Variants in TENM1 observed in about 807,000 individuals in gnomAD.
TENM1 encodes teneurin transmembrane protein 1.
In TENM1, 35 loss-of-function variants were observed where a neutral mutation model predicts 174.8. The observed-to-expected ratio is 0.20, with a 90% CI of 0.15 to 0.27. The LOEUF is 0.27. Among genes scored for constraint, TENM1 ranks in the 10% least tolerant of loss-of-function variants. The probability of loss-of-function intolerance (pLI) is 1.00; values close to 1 mark genes in which losing one functional copy is unlikely to be tolerated. For missense variants in TENM1, 1,633 were observed against 2,130.1 expected (o/e 0.77, Z 4.59); for synonymous variants, 781 against 798.7 (o/e 0.98, Z 0.37).
intron 22 of TENM1, among the ~76,000 whole-genome samples, chrX:124,474,589 C>A (rs1481303358): frequency 4.5e-5 from 5 of 112,116 alleles, no homozygotes; most frequent in African/African-American, 1.6e-4. Context: ...ACCATGGATG[C>A]TACCTAGACC....
At chrX:125,063,267 C>T in the TENM1 span, among the ~76,000 whole-genome samples, 7 of 111,641 alleles carry the variant, frequency 6.3e-5, no homozygotes, top group African/African-American at 1.6e-4. Flanking sequence ...GAAGAAACTA[C>T]GTATGGACTT....
At chrX:124,558,616 C>A (rs565515352) in intron 14 of TENM1, among the ~76,000 whole-genome samples, 1 of 110,689 alleles carries the variant, frequency 9.0e-6, no homozygotes, top group Non-Finnish European at 1.9e-5. Context: ...GCTGAGACTA[C>A]CAAATGAAGG....
the TENM1 span, among the ~76,000 whole-genome samples, chrX:124,987,509 C>T: frequency 9.0e-6 from 1 of 111,600 alleles, no homozygotes; most frequent in Non-Finnish European, 1.9e-5. Flanking sequence ...AACTTGAAAA[C>T]ATGTTTATGA....
At chrX:125,123,146 C>T in the TENM1 span, among the ~76,000 whole-genome samples, 1 of 111,767 alleles carries the variant, frequency 8.9e-6, no homozygotes, top group Non-Finnish European at 1.9e-5. Flanking sequence ...AATTTAAGCC[C>T]TCTTTTTAAA....
rs917513473 is a variant in TENM1 at position 124,675,500 on chromosome X, A to C, written c.1016-3665T>G. ...TAGACATTATGAGCCAATTGGCTAG[A>C]ATAAGGGTAAAATTAGTAATGAACA... On this transcript the variant is annotated intron_variant, in intron 5 of 31. Coordinates refer to ENST00000422452, the Ensembl canonical transcript of TENM1. 3.6e-5 allele frequency among the ~76,000 whole-genome samples: 4 copies of C among 110,961 alleles called. No homozygotes were observed. The East Asian group carries it at 1.1e-3, about 31-fold the overall frequency.
the TENM1 span, among the ~76,000 whole-genome samples, chrX:125,003,201 T>C: frequency 2.7e-5 from 3 of 111,449 alleles, no homozygotes; most frequent in Non-Finnish European, 3.8e-5. Context: ...TTTGAGGAAA[T>C]TACCTGTGAT....
exon 24 of TENM1, chrX:124,422,484 T>C (rs1425416832): frequency 8.3e-7 from 1 of 1,211,184 alleles, no homozygotes. Flanking sequence ...GACCAGGAAA[T>C]GATCGATGCC....
the TENM1 span, among the ~76,000 whole-genome samples, chrX:124,975,721 T>C: frequency 9.0e-6 from 1 of 111,730 alleles, no homozygotes; most frequent in Non-Finnish European, 1.9e-5. Context: ...ACATAACATA[T>C]TCAACAAAGA....
the TENM1 span, among the ~76,000 whole-genome samples, chrX:125,152,911 TG>T: frequency 8.9e-6 from 1 of 112,025 alleles, no homozygotes; most frequent in African/African-American, 3.2e-5. Context: ...AAAGCAATTA[TG>T]GGGCTAGAGT....
chrX:125,175,225 T>C, the TENM1 span, among the ~76,000 whole-genome samples: 1 of 111,068 alleles, frequency 9.0e-6, no homozygotes, highest in Non-Finnish European at 1.9e-5. Context: ...CCTACTAAGT[T>C]TATAAGATTA....
intron 6 of TENM1, among the ~76,000 whole-genome samples, chrX:124,659,538 A>C (rs940653333): frequency 8.9e-6 from 1 of 112,099 alleles, no homozygotes; most frequent in African/African-American, 3.2e-5. Context: ...ATTATTGTTA[A>C]GATGGCAGTA....
chrX:125,166,296 T>C, the TENM1 span, among the ~76,000 whole-genome samples: 1 of 111,535 alleles, frequency 9.0e-6, no homozygotes, highest in African/African-American at 3.3e-5. Context: ...TTACTAATAA[T>C]AACTCCTCTG....
chrX:124,961,661 G>T (rs183381113), intron 1 of TENM1, among the ~76,000 whole-genome samples: 50 of 111,110 alleles, frequency 4.5e-4, no homozygotes, highest in African/African-American at 1.5e-3. Flanking sequence ...AAAGTAAAAA[G>T]AATGTATTTT....
the TENM1 span, among the ~76,000 whole-genome samples, chrX:125,147,124 T>A: frequency 1.8e-4 from 19 of 108,472 alleles, no homozygotes; most frequent in Non-Finnish European, 3.4e-4. Flanking sequence ...CTTATTTATA[T>A]ATACACACAT....
chrX:124,498,235 T>C (rs1274176644), intron 19 of TENM1, among the ~76,000 whole-genome samples: 1 of 111,338 alleles, frequency 9.0e-6, no homozygotes, highest in Non-Finnish European at 1.9e-5. Context: ...CCATTGAGTC[T>C]ATCCCTTAAA....
At chrX:124,418,494 TC>T (rs1216725293) in intron 25 of TENM1, among the ~76,000 whole-genome samples, 3 of 111,544 alleles carry the variant, frequency 2.7e-5, no homozygotes, top group African/African-American at 9.8e-5. Flanking sequence ...CCACTTGATC[TC>T]CCTTACTTTA....
chrX:125,046,688 A>C, the TENM1 span, among the ~76,000 whole-genome samples: 1 of 112,181 alleles, frequency 8.9e-6, no homozygotes, highest in Non-Finnish European at 1.9e-5. Flanking sequence ...GTCCTGCCGA[A>C]TGTGGGTCAG....
chrX:124,731,792 G>A (rs1279043503), intron 4 of TENM1, among the ~76,000 whole-genome samples: 2 of 111,759 alleles, frequency 1.8e-5, no homozygotes, highest in Non-Finnish European at 3.8e-5. Flanking sequence ...AAGAATGTAA[G>A]CATACTATAT....
chrX:124,680,542 A>T (rs2052208787), intron 5 of TENM1, among the ~76,000 whole-genome samples: 2 of 110,655 alleles, frequency 1.8e-5, no homozygotes, highest in Admixed American at 1.9e-4. Context: ...AGACACAATT[A>T]TTTAGTGGTT....
Sources: allele counts gnomAD v4.1 joint callset (sites outside exome capture counted in the v4.1 genomes callset), GRCh38; gene constraint gnomAD v4.1.1; transcripts MANE v1.5; gene names NCBI Gene and HGNC (gene_info 2026-07-23, HGNC 2026-07-21).